Variants in MCF2L2 observed in about 807,000 individuals in gnomAD.
The protein encoded by MCF2L2 is MCF.2 cell line derived transforming sequence-like 2, also known as probable guanine nucleotide exchange factor MCF2L2.
In MCF2L2, 102 loss-of-function variants were observed where a neutral mutation model predicts 150.2. That is an observed-to-expected ratio of 0.68 (90% confidence interval 0.58 to 0.80). The LOEUF is 0.80. Ranked by LOEUF, MCF2L2 falls within the 30% of genes least tolerant of loss-of-function variation. MCF2L2 has a pLI of 0.00. For missense variants in MCF2L2, 1,256 were observed against 1,372.8 expected, an observed-to-expected ratio of 0.91 and a Z score of 1.34; for synonymous variants, 465 against 491.3, an observed-to-expected ratio of 0.95 and a Z score of 0.71.
At chr3:183,333,295 C>T (rs181537862) in intron 5 of MCF2L2, among the ~76,000 whole-genome samples, 2 of 152,328 alleles carry the variant, frequency 1.3e-5, no homozygotes, top group Admixed American at 1.3e-4. Context: ...GATCTGCCCA[C>T]CTCAGCCTCC....
intron 13 of MCF2L2, among the ~76,000 whole-genome samples, chr3:183,292,559 A>G (rs1010167965): frequency 5.7e-5 from 7 of 123,710 alleles, no homozygotes; most frequent in Non-Finnish European, 1.0e-4. Context: ...GGGTATGTAC[A>G]CACACACACA....
intron 15 of MCF2L2, among the ~76,000 whole-genome samples, chr3:183,248,227 A>T (rs1379163271): frequency 6.6e-6 from 1 of 152,174 alleles, no homozygotes; most frequent in Non-Finnish European, 1.5e-5. Flanking sequence ...CCAATTAGGT[A>T]TTAATATTGG....
At position 183,205,859 on chromosome 3, in the gene MCF2L2, C is replaced by A; in HGVS notation, c.2884+17G>T. 6.2e-7 allele frequency: 1 copy of A among 1,602,214 alleles called. No individual in the cohort carries two copies. Among genetic ancestry groups the A allele is most frequent in the Non-Finnish European group, 8.6e-7 (1 of 1,169,572 alleles). On this transcript the variant is annotated intron_variant, in intron 25 of 29. Coordinates refer to ENST00000328913, the MANE Select transcript of MCF2L2 (RefSeq NM_015078.4). ...TCAGTATAACTCGACAGACGAAAGT[C>A]AGCAGGGGTAACCTACCTTTGATAT...
At chr3:183,269,990 T>C in intron 15 of MCF2L2, 1 of 1,614,168 alleles carries the variant, frequency 6.2e-7, no homozygotes, top group Non-Finnish European at 8.5e-7. Flanking sequence ...CCCTGTCTCT[T>C]AAGCACACCT....
chr3:183,295,410 C>T lies in MCF2L2; in HGVS notation c.1565G>A (p.Ser522Asn). 9 of 1,614,146 alleles carry T rather than the reference C, an allele frequency of 5.6e-6. No homozygotes were observed. The highest frequency in any genetic ancestry group is 7.6e-6 in the Non-Finnish European group (9 of 1,180,010). Residue 522 changes from serine to asparagine, a missense_variant, in exon 13 of 30, where the codon AGT becomes AAT. By Grantham distance (46) the Ser-to-Asn change is conservative. Coordinates refer to ENST00000328913, the MANE Select transcript of MCF2L2 (RefSeq NM_015078.4). ...VQEIFHKRQV[S>N]LMKLAAKQTR... is the part of the protein sequence containing the mutation. ...CTGTTTGGCTGCCAGTTTCATCAGA[C>T]TCACTTGCCTCTTGTGAAATATTTC...
At chr3:183,394,601 C>T (rs1714338707) in intron 1 of MCF2L2, among the ~76,000 whole-genome samples, 1 of 152,212 alleles carries the variant, frequency 6.6e-6, no homozygotes, top group Non-Finnish European at 1.5e-5. Flanking sequence ...TGCGCTATAG[C>T]GATGCTTAAC....
intron 5 of MCF2L2, among the ~76,000 whole-genome samples, chr3:183,324,961 G>A (rs1417074205): frequency 1.3e-5 from 2 of 151,848 alleles, no homozygotes; most frequent in African/African-American, 4.8e-5. Flanking sequence ...TAGAGTTCAT[G>A]TCCTTTGTAG....
chr3:183,351,272 GCAATCCTCCCATCT>G (rs1326837700), intron 3 of MCF2L2, among the ~76,000 whole-genome samples: 42 of 121,416 alleles, frequency 3.5e-4, no homozygotes, highest in African/African-American at 1.4e-3. Flanking sequence ...CAGGGCTCAA[GCAATCCTCCCATCT>G]CAATCCTCCC....
intron 2 of MCF2L2, among the ~76,000 whole-genome samples, chr3:183,382,852 G>T (rs1577109877): frequency 6.6e-6 from 1 of 152,286 alleles, no homozygotes; most frequent in East Asian, 1.9e-4. Flanking sequence ...TGGCATGAAG[G>T]CTTCATGCAC....
intron 15 of MCF2L2, among the ~76,000 whole-genome samples, chr3:183,247,518 C>T (rs1219082520): frequency 6.6e-6 from 1 of 152,188 alleles, no homozygotes; most frequent in Non-Finnish European, 1.5e-5. Context: ...AGAAAGAGTA[C>T]TACTGGTAGT....
intron 12 of MCF2L2, 138 bp downstream of exon 12, chr3:183,296,838 G>T (rs1026853826): frequency 1.1e-6 from 1 of 878,522 alleles, no homozygotes; most frequent in African/African-American, 1.7e-5. Flanking sequence ...AGAGGCCGCC[G>T]GAGGGCTTCG....
At chr3:183,220,392 A>T in intron 20 of MCF2L2, among the ~76,000 whole-genome samples, 1 of 152,076 alleles carries the variant, frequency 6.6e-6, no homozygotes, top group South Asian at 2.1e-4. Context: ...TTTTCCCATG[A>T]TATTATATTT....
At chr3:183,360,748 T>G (rs2108564605) in intron 3 of MCF2L2, among the ~76,000 whole-genome samples, 2 of 152,106 alleles carry the variant, frequency 1.3e-5, no homozygotes, top group South Asian at 4.2e-4. Context: ...GGTGGGTGGA[T>G]CACCTGAGGT....
chr3:183,192,873 C>A (rs949834293), intron 27 of MCF2L2, 126 bp downstream of exon 27: 5 of 663,626 alleles, frequency 7.5e-6, no homozygotes, highest in African/African-American at 7.2e-5. Context: ...TGGTAAAATG[C>A]TTTCTTTTTT....
At chr3:183,400,248 GA>G (rs1287264852) in intron 1 of MCF2L2, 1 of 329,536 alleles carries the variant, frequency 3.0e-6, no homozygotes, top group Admixed American at 4.4e-5. Flanking sequence ...TGCAAAGTAA[GA>G]TTTTTTTTAA....
intron 15 of MCF2L2, among the ~76,000 whole-genome samples, chr3:183,268,420 G>A (rs1200129793): frequency 6.6e-6 from 1 of 152,106 alleles, no homozygotes; most frequent in Non-Finnish European, 1.5e-5. Flanking sequence ...TAGTCTGGGT[G>A]AGAAGTGATG....
At chr3:183,200,817 G>T (rs1722252125) in intron 25 of MCF2L2, among the ~76,000 whole-genome samples, 1 of 152,140 alleles carries the variant, frequency 6.6e-6, no homozygotes, top group Non-Finnish European at 1.5e-5. Context: ...GTAAGGAAGG[G>T]ATCCAGTTTC....
chr3:183,280,731 C>G (rs893668185), intron 14 of MCF2L2, among the ~76,000 whole-genome samples: 6 of 151,706 alleles, frequency 4.0e-5, no homozygotes, highest in African/African-American at 1.5e-4. Context: ...GCCTGTACTC[C>G]CAGCTACTCG....
At chr3:183,323,377 A>G (rs763740137) in intron 5 of MCF2L2, 26 bp from the exon 6 acceptor site, 1 of 1,209,780 alleles carries the variant, frequency 8.3e-7, no homozygotes, top group African/African-American at 1.5e-5. Flanking sequence ...TTAATTAAAC[A>G]TACTCCTCAT....
Sources: gnomAD v4.1 joint callset for allele counts (sites outside exome capture counted in the v4.1 genomes callset) on GRCh38, gnomAD v4.1.1 for gene constraint, MANE v1.5 for transcripts, NCBI Gene and HGNC (gene_info 2026-07-23, HGNC 2026-07-21) for gene names.